DACH1: variants seen among roughly 807,000 people sequenced by gnomAD.
DACH1 encodes dachshund family transcription factor 1, also known as dachshund homolog 1.
In DACH1, 12 loss-of-function variants were observed where a neutral mutation model predicts 54.2. That is an observed-to-expected ratio of 0.22 (90% CI 0.14 to 0.36). The LOEUF (loss-of-function observed/expected upper bound fraction) is 0.36, where lower values mean the gene tolerates loss of function less well. Among genes scored for constraint, DACH1 ranks in the 10% least tolerant of loss-of-function variants. The pLI, the probability that DACH1 is intolerant of heterozygous loss-of-function variation, is 1.00. For synonymous variants in DACH1, 386 were observed against 366.2 expected (o/e 1.05, Z -0.62); for missense variants, 805 against 929.8 (o/e 0.87, Z 1.75).
chr13:71,530,625 T>G (rs957972681), intron 6 of DACH1, among the ~76,000 whole-genome samples: 4 of 152,108 alleles, frequency 2.6e-5, no homozygotes, highest in Admixed American at 6.6e-5. Context: ...GTTTCACATC[T>G]CATTTCTCTT....
chr13:71,796,090 A>G (rs1366667714), intron 1 of DACH1, among the ~76,000 whole-genome samples: 2 of 152,172 alleles, frequency 1.3e-5, no homozygotes, highest in African/African-American at 4.8e-5. Flanking sequence ...GCTTCTTTTA[A>G]GAAATCTCTT....
chr13:71,719,543 T>C (rs1037953392), intron 1 of DACH1, among the ~76,000 whole-genome samples: 2 of 152,208 alleles, frequency 1.3e-5, no homozygotes, highest in Non-Finnish European at 2.9e-5. Context: ...TCACTATCTG[T>C]GTGTATTATT....
At chr13:71,760,210 C>G (rs1885345534) in intron 1 of DACH1, among the ~76,000 whole-genome samples, 1 of 152,148 alleles carries the variant, frequency 6.6e-6, no homozygotes, top group South Asian at 2.1e-4. Flanking sequence ...ATTGGATTTG[C>G]TCGTGGTGAC....
intron 6 of DACH1, among the ~76,000 whole-genome samples, chr13:71,531,962 A>G (rs76870020): frequency 0.06 from 9,154 of 151,886 alleles, 896 homozygotes; most frequent in African/African-American, 0.21. Flanking sequence ...GTATGTGTGT[A>G]TATATATATG....
intron 1 of DACH1, among the ~76,000 whole-genome samples, chr13:71,746,636 T>TAAACAAACAAAC (rs113135423): frequency 1.3e-5 from 2 of 151,896 alleles, no homozygotes; most frequent in Admixed American, 6.6e-5. Context: ...AGAAATGGTA[T>TAAACAAACAAAC]AAACAAACAA....
chr13:71,796,767 G>T (rs1032393142), intron 1 of DACH1, among the ~76,000 whole-genome samples: 6 of 152,044 alleles, frequency 3.9e-5, no homozygotes, highest in African/African-American at 1.4e-4. Flanking sequence ...AAGCTGGACA[G>T]TTCATATAAA....
chr13:71,443,444 T>C (rs776792235), intron 10 of DACH1, among the ~76,000 whole-genome samples: 1 of 151,954 alleles, frequency 6.6e-6, no homozygotes, highest in Non-Finnish European at 1.5e-5. Flanking sequence ...AAAATAATAG[T>C]TATAAATGAA....
At chr13:71,590,946 T>A (rs1294785355) in intron 3 of DACH1, among the ~76,000 whole-genome samples, 1 of 139,490 alleles carries the variant, frequency 7.2e-6, no homozygotes, top group African/African-American at 2.6e-5. Context: ...GGGCGCCATC[T>A]CAGGTCACTG....
intron 1 of DACH1, among the ~76,000 whole-genome samples, chr13:71,798,808 C>G (rs1177311150): frequency 6.6e-6 from 1 of 151,998 alleles, no homozygotes; most frequent in Non-Finnish European, 1.5e-5. Context: ...ATCATATGAT[C>G]ATTAACATAT....
At chr13:71,863,985 T>G (rs913336938) in intron 1 of DACH1, among the ~76,000 whole-genome samples, 1 of 151,966 alleles carries the variant, frequency 6.6e-6, no homozygotes, top group South Asian at 2.1e-4. Context: ...CTAGCTTTCT[T>G]CATAACTCCA....
At chr13:71,453,863 C>T (rs1339996318) in intron 10 of DACH1, among the ~76,000 whole-genome samples, 1 of 152,094 alleles carries the variant, frequency 6.6e-6, no homozygotes, top group Non-Finnish European at 1.5e-5. Context: ...AAAGAAGTGA[C>T]ACTTTCATAG....
At chr13:71,674,837 C>A (rs935666098) in intron 2 of DACH1, among the ~76,000 whole-genome samples, 1 of 124,238 alleles carries the variant, frequency 8.0e-6, no homozygotes, top group Non-Finnish European at 1.7e-5. Context: ...AAGAAAAGTA[C>A]AAAGGGAACA....
chr13:71,837,519 A>G (rs1001902427), intron 1 of DACH1, among the ~76,000 whole-genome samples: 2 of 152,122 alleles, frequency 1.3e-5, no homozygotes, highest in African/African-American at 4.8e-5. Flanking sequence ...GGTAGAAGGT[A>G]TAGATAGTCA....
chr13:71,536,236 C>G (rs576404261), intron 6 of DACH1, among the ~76,000 whole-genome samples: 1 of 152,100 alleles, frequency 6.6e-6, no homozygotes, highest in South Asian at 2.1e-4. Flanking sequence ...AAATTCAAAA[C>G]AACTAAAATT....
chr13:71,852,307 G>A (rs1344701788), intron 1 of DACH1, among the ~76,000 whole-genome samples: 2 of 151,952 alleles, frequency 1.3e-5, no homozygotes, highest in Admixed American at 6.6e-5. Context: ...TGTAATCAAT[G>A]AGGGAGAAAG....
At chr13:71,683,462 G>C (rs1180051690) in intron 1 of DACH1, among the ~76,000 whole-genome samples, 1 of 152,108 alleles carries the variant, frequency 6.6e-6, no homozygotes, top group African/African-American at 2.4e-5. Flanking sequence ...AAAATGTATG[G>C]ATATACAGGA....
chr13:71,581,812 T>G (rs1872873968), intron 3 of DACH1, among the ~76,000 whole-genome samples: 1 of 152,128 alleles, frequency 6.6e-6, no homozygotes. Context: ...TTGTTAAGCT[T>G]TTATATTCAT....
chr13:71,755,780 A>G (rs1482607022), intron 1 of DACH1, among the ~76,000 whole-genome samples: 1 of 152,026 alleles, frequency 6.6e-6, no homozygotes, highest in African/African-American at 2.4e-5. Flanking sequence ...TCCCTTGCCT[A>G]CTCTCTTCCT....
Position 71,808,927 on chromosome 13 carries a change from C to T in DACH1, c.848+56995G>A, listed in dbSNP as rs557657233. Among the ~76,000 whole-genome samples, 9 of 152,238 alleles carry T rather than the reference C, an allele frequency of 5.9e-5. No individual in the cohort carries two copies. In the East Asian group the frequency reaches 9.7e-4, roughly 16 times the overall value. On this transcript the variant is annotated intron_variant, in intron 1 of 10. Coordinates refer to ENST00000613252, the MANE Select transcript of DACH1 (RefSeq NM_080759.6). ...AACCTCACAATTAAAAGCTGTGCTG[C>T]TACTTAAAGCCAACACAAACACAGG...
Sources: gnomAD v4.1 joint callset for allele counts (sites outside exome capture counted in the v4.1 genomes callset) on GRCh38, gnomAD v4.1.1 for gene constraint, MANE v1.5 for transcripts, NCBI Gene and HGNC (gene_info 2026-07-23, HGNC 2026-07-21) for gene names.